The following CDH7 variants were observed in gnomAD, a reference collection of about 807,000 sequenced individuals.
CDH7 encodes cadherin-7.
Under a neutral mutation model 71.8 loss-of-function variants are expected in CDH7, and 25 were observed. That is an observed-to-expected ratio of 0.35 (90% CI 0.25 to 0.49). The LOEUF (loss-of-function observed/expected upper bound fraction) is 0.49. Ranked by LOEUF, CDH7 falls within the 20% of genes least tolerant of loss-of-function variation. The probability of loss-of-function intolerance (pLI) is 0.99; values close to 1 mark genes in which losing one functional copy is unlikely to be tolerated. For missense variants in CDH7, 862 were observed against 974.6 expected, an observed-to-expected ratio of 0.88 and a Z score of 1.54; for synonymous variants, 381 against 363.8, an observed-to-expected ratio of 1.05 and a Z score of -0.54.
Position 65,826,590 on chromosome 18 carries a change from A to C in CDH7, c.981+1759A>C, listed in dbSNP as rs571390062. Among the ~76,000 whole-genome samples, 3 of 124,602 alleles carry C rather than the reference A, an allele frequency of 2.4e-5. No homozygotes were observed. The East Asian group carries it at 7.2e-4, about 30-fold the overall frequency. 81.7% of individuals were successfully genotyped at this position (124,602 alleles called of 152,430 possible). The stretch of plus-strand genomic sequence containing the variant: ...CATTTTATGAAAATTGTATTTATAC[A>C]GAATAACAGATTATAAGAAAAATGT... On this transcript the variant is annotated intron_variant, in intron 6 of 11. Transcript: ENST00000397968.
chr18:65,785,025 G>T (rs1372030515), intron 2 of CDH7, among the ~76,000 whole-genome samples: 1 of 152,116 alleles, frequency 6.6e-6, no homozygotes, highest in African/African-American at 2.4e-5. Context: ...TATGGTATCT[G>T]TGGCAACTGC....
At chr18:65,844,967 A>G (rs558191019) in intron 7 of CDH7, among the ~76,000 whole-genome samples, 3 of 152,150 alleles carry the variant, frequency 2.0e-5, no homozygotes, top group Non-Finnish European at 4.4e-5. Flanking sequence ...ATTAGAAACT[A>G]TCCACAGACT....
rs1300088140 is a variant in CDH7 at position 65,884,539 on chromosome 18, A to G, written c.*3645A>G. 6.6e-6 allele frequency: 1 copy of G among 152,214 alleles called. No homozygotes were observed. The highest frequency in any genetic ancestry group is 2.4e-5 in the African/African-American group (1 of 41,444). 9.4% of individuals were successfully genotyped at this position (152,214 alleles called of 1,614,324 possible). ...TTAAATTATTTTATCTTCATGCACA[A>G]TTACATTTACTACATTGGATGGTAG... On this transcript the variant is annotated 3_prime_UTR_variant, in exon 12 of 12. Coordinates refer to ENST00000397968, the MANE Select transcript of CDH7 (RefSeq NM_004361.5).
In CDH7 at chr18:65,885,250, A is replaced by C. The variant is rs1373649766; in HGVS notation, c.*4356A>C. On this transcript the variant is annotated 3_prime_UTR_variant, in exon 12 of 12. Coordinates refer to ENST00000397968, the MANE Select transcript of CDH7 (RefSeq NM_004361.5). ...TGATTTGGCCGACATTGTAACGTAT[A>C]ATTCTGTGGGAAATTTTTCAAGCAA... The C allele has an allele frequency of 6.6e-6, 1 of 151,984 alleles. No homozygotes were observed. Among genetic ancestry groups the C allele is most frequent in the African/African-American group, 2.4e-5 (1 of 41,382 alleles). 9.4% of individuals were successfully genotyped at this position (151,984 alleles called of 1,614,324 possible).
chr18:65,828,497 T>G (rs1328796679), intron 6 of CDH7, among the ~76,000 whole-genome samples: 1 of 152,114 alleles, frequency 6.6e-6, no homozygotes, highest in Non-Finnish European at 1.5e-5. Context: ...TCTTGAACAT[T>G]TTGAGAAAAA....
At chr18:65,836,684 AAATAAT>A (rs71167155) in intron 6 of CDH7, among the ~76,000 whole-genome samples, 8 of 150,166 alleles carry the variant, frequency 5.3e-5, no homozygotes, top group South Asian at 2.1e-4. Context: ...AGTATAATTA[AAATAAT>A]AATAATAATA....
intron 6 of CDH7, among the ~76,000 whole-genome samples, chr18:65,842,910 T>C (rs1214113663): frequency 6.6e-6 from 1 of 152,010 alleles, no homozygotes; most frequent in Non-Finnish European, 1.5e-5. Context: ...TAAAAAGAAT[T>C]TGGGGACAGT....
intron 2 of CDH7, among the ~76,000 whole-genome samples, chr18:65,776,803 C>T (rs1054870091): frequency 6.6e-6 from 1 of 152,084 alleles, no homozygotes; most frequent in African/African-American, 2.4e-5. Flanking sequence ...CAAGTGGTAG[C>T]ATTTAAATAT....
chr18:65,762,806 T>G lies in CDH7; in HGVS notation c.-37T>G. The G allele has an allele frequency of 6.3e-7, 1 of 1,581,548 alleles. No homozygotes were observed. Among genetic ancestry groups the G allele is most frequent in the Non-Finnish European group, 8.6e-7 (1 of 1,162,798 alleles). ...ACTGTGCCTTTTCTCTTGTCAAGGT[T>G]TTTTTCTTACACAGGAAAAAGAAAG... On this transcript the variant is annotated 5_prime_UTR_variant, in exon 2 of 12. Transcript: ENST00000397968.
chr18:65,861,882 T>A (rs201443714), intron 10 of CDH7, among the ~76,000 whole-genome samples: 2 of 151,776 alleles, frequency 1.3e-5, no homozygotes, highest in Admixed American at 6.6e-5. Flanking sequence ...GCTATTAATT[T>A]AAAAAATCTC....
At chr18:65,865,028 C>G (rs1913710289) in intron 11 of CDH7, among the ~76,000 whole-genome samples, 1 of 150,622 alleles carries the variant, frequency 6.6e-6, no homozygotes, top group East Asian at 2.0e-4. Context: ...GTATCATAAA[C>G]AACTTAGATT....
intron 7 of CDH7, among the ~76,000 whole-genome samples, chr18:65,854,131 C>G (rs1390235950): frequency 6.6e-6 from 1 of 151,070 alleles, no homozygotes; most frequent in East Asian, 2.0e-4. Flanking sequence ...AATAGTGAGA[C>G]CGTATCTCTA....
At chr18:65,771,107 C>G (rs1166924330) in intron 2 of CDH7, among the ~76,000 whole-genome samples, 1 of 152,032 alleles carries the variant, frequency 6.6e-6, no homozygotes, top group Non-Finnish European at 1.5e-5. Context: ...CAGGTCCCAA[C>G]CATATAATAT....
intron 2 of CDH7, among the ~76,000 whole-genome samples, chr18:65,769,504 T>C (rs757218018): frequency 3.3e-5 from 5 of 152,226 alleles, no homozygotes; most frequent in Non-Finnish European, 7.3e-5. Flanking sequence ...AATAGTAATA[T>C]CTTACGTGAC....
intron 2 of CDH7, among the ~76,000 whole-genome samples, chr18:65,771,678 AAG>A (rs986765730): frequency 6.0e-5 from 9 of 149,932 alleles, no homozygotes; most frequent in Non-Finnish European, 1.2e-4. Context: ...TCTGCCTCAA[AAG>A]AAAAAAAAAA....
In CDH7 at chr18:65,887,728, G is replaced by A. The variant is rs570482757; in HGVS notation, c.*6834G>A. Reference sequence around the variant, plus strand: ...TTTTTAGCTTTTAAGATGTCTATTAGATCCAACCTCTACAATTAAATTATA... The same window carrying A: ...TTTTTAGCTTTTAAGATGTCTATTAAATCCAACCTCTACAATTAAATTATA... On this transcript the variant is annotated 3_prime_UTR_variant, in exon 12 of 12. Coordinates refer to ENST00000397968, the MANE Select transcript of CDH7 (RefSeq NM_004361.5). The A allele has an allele frequency of 1.8e-4, 28 of 152,142 alleles. 1 individual carries two copies. The South Asian group carries it at 5.0e-3, about 27-fold the overall frequency. 9.4% of individuals were successfully genotyped at this position (152,142 alleles called of 1,614,324 possible).
rs1450582067 is a variant in CDH7 at position 65,881,860 on chromosome 18, T to G, written c.*966T>G. On this transcript the variant is annotated 3_prime_UTR_variant, in exon 12 of 12. Coordinates refer to ENST00000397968, the MANE Select transcript of CDH7 (RefSeq NM_004361.5). ...TAATAGTAAAGCAATTGAGCCCTGT[T>G]GCAGGTCACATCTCAAAGAGGAGCA... 2 of 152,290 alleles carry G rather than the reference T, an allele frequency of 1.3e-5. No homozygotes were observed. Among genetic ancestry groups the G allele is most frequent in the Non-Finnish European group, 2.9e-5 (2 of 68,024 alleles). The allele number at this position is 152,290 out of a possible 1,614,324, so 9.4% of individuals were successfully genotyped here.
At position 65,803,110 on chromosome 18, in the gene CDH7, T is replaced by G. The variant is rs917089942; in HGVS notation, c.211-6594T>G. ...CAACATTCAAAGCCAATTGTACATT[T>G]ACAGATATGGATCTATAACAGATGA... On this transcript the variant is annotated intron_variant, in intron 2 of 11. Transcript: ENST00000397968. The G allele has an allele frequency of 3.3e-5, 5 of 152,170 alleles. No homozygotes were observed. In the South Asian group the frequency reaches 6.2e-4, roughly 19 times the overall value. The allele number at this position is 152,170 out of a possible 1,614,324, so 9.4% of individuals were successfully genotyped here.
intron 2 of CDH7, chr18:65,803,712 T>C (rs955268061): frequency 1.3e-5 from 2 of 152,136 alleles, no homozygotes; most frequent in Admixed American, 1.3e-4. Context: ...TTTTTACTTC[T>C]GCCAATCATT....
Sources: allele counts gnomAD v4.1 joint callset (sites outside exome capture counted in the v4.1 genomes callset), GRCh38; gene constraint gnomAD v4.1.1; transcripts MANE v1.5; gene names NCBI Gene and HGNC (gene_info 2026-07-23, HGNC 2026-07-21).